Variants in OR9Q1 observed in about 807,000 individuals in gnomAD.
The protein encoded by OR9Q1 is olfactory receptor 9Q1.
For synonymous variants in OR9Q1, 153 were observed against 148.6 expected (o/e 1.03, Z -0.22); for missense variants, 374 against 378.8 (o/e 0.99, Z 0.11).
chr11:58,122,726 A>G (rs1372133682), intron 2 of OR9Q1, among the ~76,000 whole-genome samples: 1 of 151,972 alleles, frequency 6.6e-6, no homozygotes, highest in Non-Finnish European at 1.5e-5. Flanking sequence ...TATTTTTGTT[A>G]GTCCTGCCTC....
At chr11:58,176,009 G>T (rs895763364) in intron 2 of OR9Q1, among the ~76,000 whole-genome samples, 1 of 149,634 alleles carries the variant, frequency 6.7e-6, no homozygotes, top group Non-Finnish European at 1.5e-5. Flanking sequence ...TGCATTTAAA[G>T]AAAAAAAAAG....
At position 58,121,993 on chromosome 11, in the gene OR9Q1, G is replaced by T. The variant is rs151309199; in HGVS notation, c.-14-57438G>T. On this transcript the variant is annotated intron_variant, in intron 2 of 2. Transcript: ENST00000335397. ...GCTATTTGCAGACTTGGGGATAACA[G>T]GCAGGTCCTCTGGCTTCCATGGGAT... Among the ~76,000 whole-genome samples, 3 of 152,170 alleles carry T rather than the reference G, an allele frequency of 2.0e-5. 1 individual carries two copies. The highest frequency in any genetic ancestry group is 2.0e-4 in the Admixed American group (3 of 15,274).
intron 1 of OR9Q1, among the ~76,000 whole-genome samples, chr11:58,053,003 C>A (rs11229234): frequency 0.1 from 14,195 of 141,738 alleles, 956 homozygotes; most frequent in South Asian, 0.16. Context: ...TGTTGGTGGG[C>A]CTGTAAACTA....
intron 2 of OR9Q1, among the ~76,000 whole-genome samples, chr11:58,061,486 G>A (rs1853380001): frequency 6.6e-6 from 1 of 152,240 alleles, no homozygotes; most frequent in African/African-American, 2.4e-5. Context: ...GATGAGGAAT[G>A]TGAAGCTCAG....
rs527369629 is a variant in OR9Q1 at position 58,088,889 on chromosome 11, T to C, written c.-15+32942T>C. 5.3e-5 allele frequency among the ~76,000 whole-genome samples: 8 copies of C among 151,808 alleles called. 1 individual carries two copies. Among genetic ancestry groups the C allele is most frequent in the African/African-American group, 1.9e-4 (8 of 41,198 alleles). On this transcript the variant is annotated intron_variant, in intron 2 of 2. Coordinates refer to ENST00000335397, the MANE Select transcript of OR9Q1 (RefSeq NM_001005212.4). ...TGTTGCAATTGCTTCTTTTTTTTTG[T>C]TTTTGAGACGGAGTTTCGCTCTTGT...
intron 2 of OR9Q1, among the ~76,000 whole-genome samples, chr11:58,069,985 CA>C (rs1224623510): frequency 6.6e-6 from 1 of 151,990 alleles, no homozygotes; most frequent in Non-Finnish European, 1.5e-5. Context: ...GTCCCAGCAT[CA>C]CTCTTTTTTT....
intron 1 of OR9Q1, among the ~76,000 whole-genome samples, chr11:58,034,814 C>T (rs1853084124): frequency 7.2e-6 from 1 of 139,500 alleles, no homozygotes; most frequent in South Asian, 2.4e-4. Flanking sequence ...TCCTTCCTTC[C>T]TTCCTTCCTT....
At chr11:58,091,634 G>C (rs1853685220) in intron 2 of OR9Q1, among the ~76,000 whole-genome samples, 1 of 152,144 alleles carries the variant, frequency 6.6e-6, no homozygotes. Context: ...ATTTGGGGTG[G>C]AGAGTTCTGT....
chr11:58,061,047 A>T (rs1853376095), intron 2 of OR9Q1, among the ~76,000 whole-genome samples: 1 of 152,012 alleles, frequency 6.6e-6, no homozygotes, highest in African/African-American at 2.4e-5. Flanking sequence ...CATTCAATTT[A>T]TCTTAGTTGT....
intron 2 of OR9Q1, chr11:58,118,256 G>T: frequency 2.8e-6 from 1 of 356,196 alleles, no homozygotes; most frequent in Non-Finnish European, 5.1e-6. Context: ...TGACATTAGA[G>T]AATATTAAGA....
At chr11:58,174,869 G>T (rs1442639301) in intron 2 of OR9Q1, among the ~76,000 whole-genome samples, 1 of 151,486 alleles carries the variant, frequency 6.6e-6, no homozygotes, top group East Asian at 1.9e-4. Flanking sequence ...AATTTGGGAG[G>T]CTGAGGCAGG....
intron 1 of OR9Q1, among the ~76,000 whole-genome samples, chr11:58,037,204 T>G (rs1372922141): frequency 1.3e-5 from 2 of 149,738 alleles, no homozygotes; most frequent in Non-Finnish European, 2.9e-5. Flanking sequence ...ATTGTTAGCA[T>G]TTTTTTTAGC....
intron 1 of OR9Q1, among the ~76,000 whole-genome samples, chr11:58,036,027 T>C (rs766900195): frequency 5.3e-5 from 8 of 151,964 alleles, no homozygotes; most frequent in Non-Finnish European, 7.4e-5. Context: ...TAGCATGTGC[T>C]CACTTTGCTT....
Position 58,165,677 on chromosome 11 carries a change from C to T in OR9Q1, c.-14-13754C>T, listed in dbSNP as rs187540387. On this transcript the variant is annotated intron_variant, in intron 2 of 2. Coordinates refer to ENST00000335397, the MANE Select transcript of OR9Q1 (RefSeq NM_001005212.4). Reference sequence around the variant, plus strand: ...CACTTCCAGTCCACTATCTGACACTCGTTGGACAGTAAATGAGTATTTATT... The same window carrying T: ...CACTTCCAGTCCACTATCTGACACTTGTTGGACAGTAAATGAGTATTTATT... Among the ~76,000 whole-genome samples the T allele has an allele frequency of 9.9e-5, 15 of 152,250 alleles. No individual in the cohort carries two copies. In the East Asian group the frequency reaches 2.9e-3, roughly 29 times the overall value.
chr11:58,180,145 C>T lies in OR9Q1; in HGVS notation c.701C>T (p.Ala234Val). 6.2e-7 allele frequency: 1 copy of T among 1,614,046 alleles called. No individual in the cohort carries two copies. Among genetic ancestry groups the T allele is most frequent in the Non-Finnish European group, 8.5e-7 (1 of 1,179,964 alleles). Residue 234 changes from alanine (A) to valine (V), a missense_variant, in exon 3 of 3, where the codon GCC becomes GTC. Ala to Val is a moderately conservative substitution (Grantham distance 64). Coordinates refer to ENST00000335397, the MANE Select transcript of OR9Q1 (RefSeq NM_001005212.4). ...AIMGIPAGSQ[A>V]KTFSTCTSHL... ...ATGGGGATCCCTGCTGGAAGCCAGG[C>T]CAAGACCTTCTCCACCTGCACCTCC... is the stretch of plus-strand genomic sequence containing the variant.
At chr11:58,124,594 A>G (rs1854070354) in intron 2 of OR9Q1, 1 of 152,188 alleles carries the variant, frequency 6.6e-6, no homozygotes, top group South Asian at 2.1e-4. Context: ...TCTTGCTCCA[A>G]GTCAGGTAGA....
chr11:58,167,800 G>A (rs985980316), intron 2 of OR9Q1, among the ~76,000 whole-genome samples: 4 of 152,168 alleles, frequency 2.6e-5, no homozygotes, highest in Non-Finnish European at 5.9e-5. Flanking sequence ...CAATGGCAAA[G>A]GTCCAAGAGT....
intron 2 of OR9Q1, among the ~76,000 whole-genome samples, chr11:58,167,968 A>G (rs907335831): frequency 1.3e-5 from 2 of 152,226 alleles, no homozygotes; most frequent in Non-Finnish European, 2.9e-5. Flanking sequence ...AGCTGCCATC[A>G]CATTGCAAAA....
intron 2 of OR9Q1, among the ~76,000 whole-genome samples, chr11:58,129,464 C>T (rs1390717146): frequency 6.6e-6 from 1 of 152,120 alleles, no homozygotes; most frequent in African/African-American, 2.4e-5. Flanking sequence ...CATTGGCTTC[C>T]CATTGCACTT....
Sources: allele counts gnomAD v4.1 joint callset (sites outside exome capture counted in the v4.1 genomes callset), GRCh38; gene constraint gnomAD v4.1.1; transcripts MANE v1.5; gene names NCBI Gene and HGNC (gene_info 2026-07-23, HGNC 2026-07-21).